Variants in TMEM131L observed in about 807,000 individuals in gnomAD.
TMEM131L encodes the protein transmembrane 131 like.
TMEM131L carries 54 observed loss-of-function variants against 192.2 expected under a neutral mutation model. The ratio of observed to expected loss-of-function variants is 0.28; its 90% confidence interval spans 0.23 to 0.35. The LOEUF (loss-of-function observed/expected upper bound fraction) is 0.35, where lower values mean the gene tolerates loss of function less well. TMEM131L is among the 10% of genes least tolerant of loss of function. The pLI is 1.00. For missense variants in TMEM131L, 1,888 were observed against 1,972.9 expected, an observed-to-expected ratio of 0.96 and a Z score of 0.82; for synonymous variants, 701 against 704.9, an observed-to-expected ratio of 0.99 and a Z score of 0.09.
Position 153,580,855 on chromosome 4 carries a change from G to A in TMEM131L, c.690G>A (p.Gln230=), listed in dbSNP as rs749914740. Residue 230 remains glutamine (Q), a synonymous_variant, in exon 8 of 35, where the codon CAG becomes CAA. Transcript: ENST00000409959. ...AAACCACTAATACTAGCCTCTTGCA[G>A]GTGCAACTGGAATGCAGTTTACATA... The part of the protein sequence containing the change: ...QAETTNTSLL[Q]VQLECSLHNK... 16 of 1,612,798 alleles carry A rather than the reference G, an allele frequency of 9.9e-6. No homozygotes were observed. Among genetic ancestry groups the A allele is most frequent in the Middle Eastern group, 1.7e-4 (1 of 6,058 alleles).
chr4:153,470,728 G>A (rs968008096), intron 2 of TMEM131L, among the ~76,000 whole-genome samples: 1 of 152,218 alleles, frequency 6.6e-6, no homozygotes, highest in Non-Finnish European at 1.5e-5. Context: ...GTCAGAAACT[G>A]CGATTCCATG....
intron 7 of TMEM131L, among the ~76,000 whole-genome samples, chr4:153,560,498 C>T (rs1271171767): frequency 1.3e-5 from 2 of 152,232 alleles, no homozygotes; most frequent in African/African-American, 4.8e-5. Context: ...ATATAATTCA[C>T]ATACCACAAA....
chr4:153,562,041 A>T (rs1052848846), intron 7 of TMEM131L, among the ~76,000 whole-genome samples: 14 of 145,348 alleles, frequency 9.6e-5, no homozygotes, highest in Admixed American at 2.1e-4. Flanking sequence ...TAAATTTTAA[A>T]TTTTTTTTTT....
At chr4:153,472,848 A>T (rs2149732175) in intron 2 of TMEM131L, among the ~76,000 whole-genome samples, 1 of 152,336 alleles carries the variant, frequency 6.6e-6, no homozygotes, top group Middle Eastern at 3.4e-3. Flanking sequence ...TGTGGTTGGC[A>T]AGATCAGACT....
intron 21 of TMEM131L, 143 bp from the exon 22 acceptor site, chr4:153,602,009 C>A (rs1034209264): frequency 4.2e-5 from 22 of 521,488 alleles, no homozygotes; most frequent in Non-Finnish European, 5.6e-5. Context: ...AGAAATCATT[C>A]TTTGAGCTTA....
intron 3 of TMEM131L, among the ~76,000 whole-genome samples, chr4:153,512,423 C>T (rs1326252968): frequency 1.3e-5 from 2 of 152,080 alleles, no homozygotes; most frequent in African/African-American, 2.4e-5. Flanking sequence ...TATTTTTTCC[C>T]CTACTTAAAA....
chr4:153,511,704 A>G (rs1299334311), intron 3 of TMEM131L, among the ~76,000 whole-genome samples: 1 of 152,174 alleles, frequency 6.6e-6, no homozygotes, highest in Non-Finnish European at 1.5e-5. Context: ...CAGTGCCTAC[A>G]TCTATAAGAA....
chr4:153,542,887 G>C (rs139874341), intron 3 of TMEM131L, among the ~76,000 whole-genome samples: 1 of 152,174 alleles, frequency 6.6e-6, no homozygotes, highest in Admixed American at 6.5e-5. Context: ...TCTGACAGAC[G>C]CAATGTCTCC....
At position 153,545,290 on chromosome 4, in the gene TMEM131L, C is replaced by CTTTTTTTTTTTTTTTTTTTT. The variant is rs59852943; in HGVS notation, c.240-4768_240-4767insTTTTTTTTTTTTTTTTTTTT. 2.1e-3 allele frequency among the ~76,000 whole-genome samples: 273 copies of CTTTTTTTTTTTTTTTTTTTT among 132,226 alleles called. 11 individuals are homozygous for CTTTTTTTTTTTTTTTTTTTT. Among genetic ancestry groups the CTTTTTTTTTTTTTTTTTTTT allele is most frequent in the East Asian group, 7.6e-3 (30 of 3,940 alleles). 86.7% of individuals were successfully genotyped at this position (132,226 alleles called of 152,430 possible). The stretch of plus-strand genomic sequence containing the variant: ...CTCTTGTATCAGCCACTTTTTCAAA[C>CTTTTTTTTTTTTTTTTTTTT]TTTTTTTTTTTTTTTGAGATGGAGT... On this transcript the variant is annotated intron_variant, in intron 3 of 34. Transcript: ENST00000409959.
Position 153,593,888 on chromosome 4 carries a change from A to C in TMEM131L, c.1995+17A>C, listed in dbSNP as rs1731244272. 2 of 1,567,908 alleles carry C rather than the reference A, an allele frequency of 1.3e-6. No homozygotes were observed. The highest frequency in any genetic ancestry group is 1.8e-6 in the Non-Finnish European group (2 of 1,137,896). ...CCTTACCTGGTAGGATGTTATCCTAAAACAGAAAAAAGAATGCCGACAAAC... is the reference window on the plus strand; with the variant it reads ...CCTTACCTGGTAGGATGTTATCCTACAACAGAAAAAAGAATGCCGACAAAC... On this transcript the variant is annotated intron_variant, in intron 19 of 34. Transcript: ENST00000409959.
At position 153,603,924 on chromosome 4, in the gene TMEM131L, C is replaced by A; in HGVS notation, c.2912C>A (p.Thr971Asn). ...IQNAAKRSPA[T>N]YGHSQKKHKC... ...AATGCTGCAAAGAGGAGCCCAGCCA[C>A]CTATGGTCATTCTCAGAAGAAGCAC... is the stretch of plus-strand genomic sequence containing the variant. Residue 971 changes from threonine to asparagine, a missense_variant, in exon 25 of 35, where the codon ACC (threonine) becomes AAC (asparagine). Transcript: ENST00000409959. 1 of 1,614,090 alleles carries A rather than the reference C, an allele frequency of 6.2e-7. No individual in the cohort carries two copies. Among genetic ancestry groups the A allele is most frequent in the Non-Finnish European group, 8.5e-7 (1 of 1,179,992 alleles).
intron 17 of TMEM131L, 35 bp downstream of exon 17, chr4:153,591,229 T>G: frequency 6.5e-7 from 1 of 1,546,574 alleles, no homozygotes. Context: ...TCTTTGTCAG[T>G]GACTCCCCAG....
intron 25 of TMEM131L, among the ~76,000 whole-genome samples, chr4:153,608,513 A>G (rs886582337): frequency 1.6e-4 from 24 of 152,238 alleles, no homozygotes; most frequent in Non-Finnish European, 5.9e-5. Context: ...CAGCACTACC[A>G]AGGAGAAATA....
At chr4:153,467,310 G>T (rs1377806622) in intron 2 of TMEM131L, 29 bp downstream of exon 2, 3 of 1,544,588 alleles carry the variant, frequency 1.9e-6, no homozygotes, top group Admixed American at 2.0e-5. Flanking sequence ...CAGGGCGGCT[G>T]TGGGTGTACG....
intron 3 of TMEM131L, among the ~76,000 whole-genome samples, chr4:153,477,111 T>G (rs1462823378): frequency 1.3e-5 from 2 of 152,152 alleles, no homozygotes; most frequent in African/African-American, 4.8e-5. Context: ...GATCCTTTAC[T>G]TGTTGAATTT....
At chr4:153,516,261 G>T (rs1375004643) in intron 3 of TMEM131L, among the ~76,000 whole-genome samples, 1 of 151,902 alleles carries the variant, frequency 6.6e-6, no homozygotes, top group Non-Finnish European at 1.5e-5. Context: ...CTAATTCTTT[G>T]TTTTTTCACC....
At chr4:153,495,123 T>C (rs541428450) in intron 3 of TMEM131L, among the ~76,000 whole-genome samples, 17 of 152,172 alleles carry the variant, frequency 1.1e-4, no homozygotes, top group Non-Finnish European at 4.4e-5. Context: ...GAGATCAGCC[T>C]TGCCAACATG....
In TMEM131L at chr4:153,635,447, C is replaced by T. The variant is rs202004595; in HGVS notation, c.4433C>T (p.Ala1478Val). ...TTCTTTGTAGAAAACATGAACTATG[C>T]CAATGGCTTCCCCTGTCCTGCAGAT... ...NAFPEENMNY[A>V]NGFPCPADVQ... Residue 1478 changes from alanine (A) to valine (V), a missense_variant, in exon 34 of 35, where the codon GCC becomes GTC. Ala to Val is a moderately conservative substitution (Grantham distance 64). Transcript: ENST00000409959. 127 of 1,613,724 alleles carry T rather than the reference C, an allele frequency of 7.9e-5. No individual in the cohort carries two copies. In the East Asian group the frequency reaches 2.6e-3, roughly 33 times the overall value.
intron 20 of TMEM131L, among the ~76,000 whole-genome samples, chr4:153,598,058 A>G (rs971779283): frequency 1.3e-5 from 2 of 152,066 alleles, no homozygotes; most frequent in Non-Finnish European, 2.9e-5. Context: ...GATACATGTT[A>G]TTTATGGGGT....
Sources: allele counts gnomAD v4.1 joint callset (sites outside exome capture counted in the v4.1 genomes callset), GRCh38; gene constraint gnomAD v4.1.1; transcripts MANE v1.5; gene names NCBI Gene and HGNC (gene_info 2026-07-23, HGNC 2026-07-21).